CDC16: variants seen among roughly 807,000 people sequenced by gnomAD.
CDC16 encodes the protein cell division cycle 16.
CDC16 carries 34 observed loss-of-function variants against 87.0 expected under a neutral mutation model. The ratio of observed to expected loss-of-function variants is 0.39; its 90% CI spans 0.30 to 0.52. CDC16 has a LOEUF of 0.52. Ranked by LOEUF, CDC16 falls within the 20% of genes least tolerant of loss-of-function variation. CDC16 has a pLI of 0.74. For missense variants in CDC16, 653 were observed against 751.9 expected, an observed-to-expected ratio of 0.87 and a Z score of 1.54; for synonymous variants, 263 against 260.6, an observed-to-expected ratio of 1.01 and a Z score of -0.09.
chr13:114,250,553 G>A lies in CDC16; in HGVS notation c.976G>A (p.Ala326Thr). The A allele has an allele frequency of 6.2e-7, 1 of 1,612,294 alleles. No individual in the cohort carries two copies. Among genetic ancestry groups the A allele is most frequent in the Non-Finnish European group, 8.5e-7 (1 of 1,179,100 alleles). Residue 326 changes from alanine (A) to threonine (T), a missense_variant, in exon 12 of 18, where the codon GCC (alanine) becomes ACC (threonine). Transcript: ENST00000356221. ...NEHARRYLSK[A>T]TTLEKTYGPA... ...AAATTAACTCTTTTGTTTTAGCAAA[G>A]CCACAACACTTGAGAAAACCTATGG...
chr13:114,241,568 G>A (rs896782194), intron 5 of CDC16, among the ~76,000 whole-genome samples: 3 of 152,204 alleles, frequency 2.0e-5, no homozygotes, highest in East Asian at 1.9e-4. Flanking sequence ...CCTAGTAGCC[G>A]TGACATGTAC....
At chr13:114,241,248 T>C (rs2138884528) in intron 5 of CDC16, among the ~76,000 whole-genome samples, 1 of 152,344 alleles carries the variant, frequency 6.6e-6, no homozygotes, top group Admixed American at 6.5e-5. Context: ...AAGAGTTCTA[T>C]AAGTTAGATA....
chr13:114,248,660 G>A (rs756607175), intron 11 of CDC16, among the ~76,000 whole-genome samples: 10 of 151,790 alleles, frequency 6.6e-5, no homozygotes, highest in South Asian at 2.1e-4. Flanking sequence ...CAGCCTCGCC[G>A]ACAGAGTGAG....
At chr13:114,268,503 A>G (rs181372803) in intron 17 of CDC16, among the ~76,000 whole-genome samples, 57 of 152,294 alleles carry the variant, frequency 3.7e-4, no homozygotes, top group Admixed American at 5.9e-4. Context: ...GTTACACCCT[A>G]TGCAAATGAA....
In CDC16 at chr13:114,246,992, G is replaced by A; in HGVS notation, c.959G>A (p.Arg320Lys). ...LMVGHKNEHA[R>K]RYLSKATTLE... is the part of the protein sequence containing the mutation. ...GTCGGTCATAAAAATGAACATGCCA[G>A]AAGATATCTCAGGTATGAATTTATT... The change falls in exon 11 of 18, where the codon AGA becomes AAA. Residue 320 changes from arginine (R) to lysine (K), a missense_variant. Transcript: ENST00000356221. 2 of 1,607,284 alleles carry A rather than the reference G, an allele frequency of 1.2e-6. No homozygotes were observed. The highest frequency in any genetic ancestry group is 1.7e-6 in the Non-Finnish European group (2 of 1,173,874).
At chr13:114,269,965 G>T (rs370689410) in intron 17 of CDC16, among the ~76,000 whole-genome samples, 2 of 152,162 alleles carry the variant, frequency 1.3e-5, no homozygotes, top group Non-Finnish European at 1.5e-5. Context: ...CTCAGTCTCC[G>T]AAAGTGCTGG....
chr13:114,246,642 A>T (rs1250734907), intron 10 of CDC16, among the ~76,000 whole-genome samples: 2 of 152,230 alleles, frequency 1.3e-5, no homozygotes, highest in Non-Finnish European at 2.9e-5. Context: ...AGCCAGGGTC[A>T]GGCTGGGGGA....
intron 12 of CDC16, 22 bp from the exon 13 acceptor site, chr13:114,257,056 G>A (rs1230569700): frequency 4.7e-6 from 7 of 1,495,156 alleles, no homozygotes; most frequent in Non-Finnish European, 6.4e-6. Context: ...TGTTGAATAT[G>A]TGAAATTTTC....
At chr13:114,255,423 A>G (rs2082434528) in intron 12 of CDC16, among the ~76,000 whole-genome samples, 1 of 152,114 alleles carries the variant, frequency 6.6e-6, no homozygotes, top group African/African-American at 2.4e-5. Flanking sequence ...ATTTCTGTAT[A>G]TGATAGGCCC....
intron 14 of CDC16, among the ~76,000 whole-genome samples, chr13:114,260,462 C>G (rs1001803573): frequency 6.6e-6 from 1 of 152,176 alleles, no homozygotes. Flanking sequence ...ACCTAGAAGC[C>G]TGCTAGAAGT....
chr13:114,249,683 G>T (rs2082061579), intron 11 of CDC16, among the ~76,000 whole-genome samples: 1 of 152,112 alleles, frequency 6.6e-6, no homozygotes, highest in African/African-American at 2.4e-5. Context: ...TCATCTATAG[G>T]ATATCGCCTA....
At chr13:114,270,453 G>A (rs1475724626) in intron 17 of CDC16, among the ~76,000 whole-genome samples, 1 of 152,132 alleles carries the variant, frequency 6.6e-6, no homozygotes, top group Admixed American at 6.5e-5. Flanking sequence ...CTGAGATTTG[G>A]TGGGACACAG....
chr13:114,254,588 A>G (rs958568592), intron 12 of CDC16, among the ~76,000 whole-genome samples: 4 of 152,164 alleles, frequency 2.6e-5, no homozygotes, highest in Admixed American at 6.5e-5. Context: ...CAGATCTGTT[A>G]TTATTATTTA....
chr13:114,269,525 G>T (rs1478931531), intron 17 of CDC16, among the ~76,000 whole-genome samples: 2 of 152,032 alleles, frequency 1.3e-5, no homozygotes, highest in East Asian at 1.9e-4. Flanking sequence ...TCCACTAAAG[G>T]TCACAAACAA....
intron 12 of CDC16, among the ~76,000 whole-genome samples, chr13:114,256,347 C>T (rs1186000797): frequency 1.3e-5 from 2 of 152,082 alleles, no homozygotes; most frequent in Non-Finnish European, 2.9e-5. Flanking sequence ...TTGTCATGAC[C>T]TTCTGTAGAG....
intron 12 of CDC16, among the ~76,000 whole-genome samples, chr13:114,255,679 C>G (rs966323775): frequency 6.6e-6 from 1 of 152,170 alleles, no homozygotes; most frequent in African/African-American, 2.4e-5. Context: ...GTCTCACTCT[C>G]TTGCCCAGGC....
chr13:114,254,621 TA>T (rs2082389078), intron 12 of CDC16, among the ~76,000 whole-genome samples: 1 of 152,202 alleles, frequency 6.6e-6, no homozygotes, highest in African/African-American at 2.4e-5. Context: ...TTAAATCAGA[TA>T]GAAGAGTTAA....
chr13:114,272,638 AAT>A lies in CDC16; in HGVS notation c.*197_*198del. The A allele has an allele frequency of 4.0e-6, 2 of 505,986 alleles. No individual in the cohort carries two copies. Among genetic ancestry groups the A allele is most frequent in the Non-Finnish European group, 6.9e-6 (2 of 288,846 alleles). 31.3% of individuals were successfully genotyped at this position (505,986 alleles called of 1,614,324 possible). On this transcript the variant is annotated 3_prime_UTR_variant, in exon 18 of 18. Transcript: ENST00000356221. ...GTGTTCTGATTCTCTGAACCTACAA[AAT>A]AGTTATACATAGTGGAATAAAGAAG...
intron 12 of CDC16, among the ~76,000 whole-genome samples, chr13:114,254,068 ACT>A (rs1566663149): frequency 6.6e-6 from 1 of 152,150 alleles, no homozygotes; most frequent in East Asian, 1.9e-4. Context: ...CTCTAATAAT[ACT>A]TTTTTTTATA....
Sources: gnomAD v4.1 joint callset for allele counts (sites outside exome capture counted in the v4.1 genomes callset) on GRCh38, gnomAD v4.1.1 for gene constraint, MANE v1.5 for transcripts, NCBI Gene and HGNC (gene_info 2026-07-23, HGNC 2026-07-21) for gene names.